The following SPATS2L variants were observed in gnomAD, a reference collection of about 807,000 sequenced individuals.
SPATS2L encodes SPATS2-like protein.
SPATS2L carries 30 observed loss-of-function variants against 59.6 expected under a neutral mutation model. That is an observed-to-expected ratio of 0.50 (90% CI 0.38 to 0.68). The LOEUF is 0.68. Ranked by LOEUF, SPATS2L falls within the 30% of genes least tolerant of loss-of-function variation. The pLI is 0.00. For missense variants in SPATS2L, 615 were observed against 700.0 expected (o/e 0.88, Z 1.37); for synonymous variants, 252 against 263.5 (o/e 0.96, Z 0.42).
intron 3 of SPATS2L, among the ~76,000 whole-genome samples, chr2:200,411,666 G>C (rs540110103): frequency 2.0e-5 from 3 of 152,306 alleles, no homozygotes; most frequent in East Asian, 3.9e-4. Context: ...GTCATTAAAC[G>C]TTGAATATAA....
rs1170704942 is a variant in SPATS2L at position 200,346,602 on chromosome 2, T to G, written c.-23+17122T>G. 2.6e-5 allele frequency among the ~76,000 whole-genome samples: 4 copies of G among 152,340 alleles called. No individual in the cohort carries two copies. In the East Asian group the frequency reaches 7.7e-4, roughly 29 times the overall value. ...ACACTAAGTAATTTCAGAGAGAATCTCATTTTGGCATTCTTTATATCCTCT... is the reference window on the plus strand; with the variant it reads ...ACACTAAGTAATTTCAGAGAGAATCGCATTTTGGCATTCTTTATATCCTCT... On this transcript the variant is annotated intron_variant, in intron 2 of 12. Transcript: ENST00000409140.
At chr2:200,327,821 G>A (rs2079804453) in intron 1 of SPATS2L, among the ~76,000 whole-genome samples, 1 of 152,012 alleles carries the variant, frequency 6.6e-6, no homozygotes, top group Non-Finnish European at 1.5e-5. Flanking sequence ...TTGCATTTAT[G>A]TAGAAGTAAA....
chr2:200,401,302 C>T (rs1373394545), intron 3 of SPATS2L, among the ~76,000 whole-genome samples: 2 of 152,096 alleles, frequency 1.3e-5, no homozygotes, highest in Admixed American at 1.3e-4. Context: ...CCAAATTCCT[C>T]CCTAATTCCT....
At chr2:200,391,927 A>T (rs2082184188) in intron 3 of SPATS2L, among the ~76,000 whole-genome samples, 1 of 152,254 alleles carries the variant, frequency 6.6e-6, no homozygotes, top group South Asian at 2.1e-4. Context: ...AACTTCTGAC[A>T]ACATACAATT....
At chr2:200,434,223 T>A (rs1040969567) in intron 6 of SPATS2L, among the ~76,000 whole-genome samples, 1 of 151,898 alleles carries the variant, frequency 6.6e-6, no homozygotes, top group African/African-American at 2.4e-5. Flanking sequence ...AAATAAAAAA[T>A]TCACTTGACA....
intron 3 of SPATS2L, among the ~76,000 whole-genome samples, chr2:200,406,376 A>G (rs1439803088): frequency 6.6e-6 from 1 of 151,842 alleles, no homozygotes; most frequent in Non-Finnish European, 1.5e-5. Context: ...TACTTGCTCT[A>G]GAAAATGAAA....
intron 2 of SPATS2L, among the ~76,000 whole-genome samples, chr2:200,380,520 T>G (rs771776299): frequency 2.0e-4 from 30 of 152,242 alleles, no homozygotes; most frequent in Non-Finnish European, 3.5e-4. Flanking sequence ...TCTAAGTGAT[T>G]GGAAGCTTTT....
rs927918120 is a variant in SPATS2L, at chr2:200,469,988, G to A, written c.1032G>A (p.Leu344=). ...GGTTTTCCTGTGACATCGAACAGCTGAAGGCCCAAATCATGCTCTGCGGAG... is the reference window on the plus strand; with the variant it reads ...GGTTTTCCTGTGACATCGAACAGCTAAAGGCCCAAATCATGCTCTGCGGAG... ...AARFSCDIEQ[L]KAQIMLCGEI... Residue 344 remains leucine (L), a synonymous_variant, in exon 11 of 13, where the codon CTG becomes CTA. Transcript: ENST00000409140. 9.3e-6 allele frequency: 15 copies of A among 1,611,856 alleles called. No homozygotes were observed. Among genetic ancestry groups the A allele is most frequent in the Non-Finnish European group, 1.3e-5 (15 of 1,178,972 alleles).
chr2:200,309,807 G>A (rs2079137808), intron 1 of SPATS2L, among the ~76,000 whole-genome samples: 1 of 152,112 alleles, frequency 6.6e-6, no homozygotes, highest in Non-Finnish European at 1.5e-5. Flanking sequence ...TGCTATGAAG[G>A]TGTTATGTCT....
chr2:200,437,628 T>G (rs1330579480), intron 6 of SPATS2L, among the ~76,000 whole-genome samples: 1 of 152,350 alleles, frequency 6.6e-6, no homozygotes, highest in East Asian at 1.9e-4. Context: ...CTGTTTTCAG[T>G]ACTTATGTAC....
chr2:200,336,663 A>G (rs1201696621), intron 2 of SPATS2L, among the ~76,000 whole-genome samples: 1 of 152,234 alleles, frequency 6.6e-6, no homozygotes, highest in East Asian at 1.9e-4. Context: ...CCGATACATA[A>G]CATTTGTTCT....
At chr2:200,409,711 G>A (rs2082809165) in intron 3 of SPATS2L, among the ~76,000 whole-genome samples, 1 of 152,060 alleles carries the variant, frequency 6.6e-6, no homozygotes, top group Admixed American at 6.5e-5. Context: ...CTAATTAAAT[G>A]TCTTCCTCCA....
chr2:200,467,183 T>A (rs900034109), intron 9 of SPATS2L, 107 bp from the exon 10 acceptor site: 11 of 780,602 alleles, frequency 1.4e-5, no homozygotes, highest in Non-Finnish European at 1.9e-5. Context: ...ACAGTCGTGG[T>A]CCAACAAAGC....
At chr2:200,407,844 G>C (rs1041593882) in intron 3 of SPATS2L, among the ~76,000 whole-genome samples, 12 of 152,156 alleles carry the variant, frequency 7.9e-5, no homozygotes, top group Admixed American at 4.6e-4. Context: ...ACACAAGATG[G>C]TGGAGTCTTC....
intron 6 of SPATS2L, among the ~76,000 whole-genome samples, chr2:200,434,636 G>A (rs1282418529): frequency 6.6e-6 from 1 of 151,908 alleles, no homozygotes; most frequent in Non-Finnish European, 1.5e-5. Flanking sequence ...AAACACCTAG[G>A]AATAAATTTG....
At chr2:200,309,954 A>G (rs894476016) in intron 1 of SPATS2L, among the ~76,000 whole-genome samples, 1 of 152,200 alleles carries the variant, frequency 6.6e-6, no homozygotes, top group African/African-American at 2.4e-5. Flanking sequence ...GCTGAGAAAA[A>G]TAGTCTTATG....
intron 2 of SPATS2L, among the ~76,000 whole-genome samples, chr2:200,349,371 C>G (rs1018876664): frequency 6.6e-6 from 1 of 152,192 alleles, no homozygotes; most frequent in Non-Finnish European, 1.5e-5. Flanking sequence ...CATGGTGGCT[C>G]ACACCTGCAA....
chr2:200,376,027 C>T (rs1455907760), intron 2 of SPATS2L, among the ~76,000 whole-genome samples: 1 of 152,112 alleles, frequency 6.6e-6, no homozygotes, highest in Non-Finnish European at 1.5e-5. Flanking sequence ...GCAAGCAAGA[C>T]AGGAAGAATA....
chr2:200,416,498 C>G (rs538972129), intron 5 of SPATS2L, 70 bp downstream of exon 5: 3 of 887,954 alleles, frequency 3.4e-6, no homozygotes, highest in East Asian at 3.1e-5. Context: ...ATCATTTTAA[C>G]AAGGCTGCCA....
Sources: allele counts gnomAD v4.1 joint callset (sites outside exome capture counted in the v4.1 genomes callset), GRCh38; gene constraint gnomAD v4.1.1; transcripts MANE v1.5; gene names NCBI Gene and HGNC (gene_info 2026-07-23, HGNC 2026-07-21).